AKAP6: variants seen among roughly 807,000 people sequenced by gnomAD.
The protein encoded by AKAP6 is A-kinase anchoring protein 6, also known as A-kinase anchor protein 6.
A neutral mutation model predicts 188.5 loss-of-function variants in AKAP6; 58 were observed. The ratio of observed to expected loss-of-function variants is 0.31; its 90% CI spans 0.25 to 0.38. The LOEUF (loss-of-function observed/expected upper bound fraction) is 0.38, where lower values mean the gene tolerates loss of function less well. Ranked by LOEUF, AKAP6 falls within the 10% of genes least tolerant of loss-of-function variation. AKAP6 has a pLI of 1.00. For synonymous variants in AKAP6, 989 were observed against 998.6 expected (o/e 0.99, Z 0.18); for missense variants, 2,710 against 2,740.0 (o/e 0.99, Z 0.24).
In AKAP6 at chr14:32,737,158, G is replaced by T. The variant is rs141488595; in HGVS notation, c.3372+1276G>T. 4.7e-4 allele frequency among the ~76,000 whole-genome samples: 71 copies of T among 152,226 alleles called. No individual in the cohort carries two copies. In the East Asian group the frequency reaches 0.013, roughly 27 times the overall value. On this transcript the variant is annotated intron_variant, in intron 11 of 13. Transcript: ENST00000280979. The stretch of plus-strand genomic sequence containing the variant: ...CTTTTTGAGATTATGGAGCCCTGAT[G>T]ATTTTTCTTTATGACTTGAAACTAG...
Position 32,833,611 on chromosome 14 carries a change from T to A in AKAP6, c.*3806T>A, listed in dbSNP as rs537672398. 25 of 152,270 alleles carry A rather than the reference T, an allele frequency of 1.6e-4. No homozygotes were observed. The highest frequency in any genetic ancestry group is 6.0e-4 in the African/African-American group (25 of 41,548). The allele number at this position is 152,270 out of a possible 1,614,324, so 9.4% of individuals were successfully genotyped here. On this transcript the variant is annotated 3_prime_UTR_variant, in exon 14 of 14. Coordinates refer to ENST00000280979, the MANE Select transcript of AKAP6 (RefSeq NM_004274.5). ...TTGTGTTTGGTTCATCCGGACTAGG[T>A]TTCACCCATTCTATAATTCCTAGAA...
intron 9 of AKAP6, among the ~76,000 whole-genome samples, chr14:32,705,172 G>T (rs1890761590): frequency 6.6e-6 from 1 of 152,148 alleles, no homozygotes; most frequent in East Asian, 1.9e-4. Context: ...CTCCAACCCA[G>T]CTAGCTGCAT....
chr14:32,545,710 C>T lies in AKAP6; in HGVS notation c.1057C>T (p.His353Tyr), dbSNP rs867009714. ...GCAGCAAGAATCCAGTTCCTCCTCC[C>T]ATCATGATGCAAAGAATCAGCAGCC... Reference protein sequence around the residue: ...TVQQESSSSSHHDAKNQQPVP... With the variant: ...TVQQESSSSSYHDAKNQQPVP... Residue 353 changes from histidine (H) to tyrosine (Y), a missense_variant, in exon 4 of 14, where the codon CAT becomes TAT. This residue lies in a region of AKAP6 where 2,473 missense variants were observed against 2,426.1 expected (regional missense o/e 1.02). Transcript: ENST00000280979. The T allele has an allele frequency of 6.2e-7, 1 of 1,614,064 alleles. No individual in the cohort carries two copies. The highest frequency in any genetic ancestry group is 2.2e-5 in the East Asian group (1 of 44,890).
chr14:32,755,844 AG>A (rs2032310976), intron 11 of AKAP6, among the ~76,000 whole-genome samples: 1 of 152,206 alleles, frequency 6.6e-6, no homozygotes, highest in Non-Finnish European at 1.5e-5. Flanking sequence ...GAAGACATTT[AG>A]GGCCACTAAC....
intron 1 of AKAP6, among the ~76,000 whole-genome samples, chr14:32,372,348 TA>T (rs1353800704): frequency 1.3e-5 from 2 of 152,132 alleles, no homozygotes; most frequent in Admixed American, 1.3e-4. Flanking sequence ...TAAGATTTTT[TA>T]TAAAGAAATA....
At chr14:32,667,690 T>C (rs7148801) in intron 7 of AKAP6, among the ~76,000 whole-genome samples, 12,881 of 152,118 alleles carry the variant, frequency 0.085, 1,702 homozygotes, top group African/African-American at 0.28. Context: ...TCCTGAACCA[T>C]AGGTCCTGAT....
At chr14:32,360,145 C>T (rs571462143) in intron 1 of AKAP6, among the ~76,000 whole-genome samples, 7 of 143,946 alleles carry the variant, frequency 4.9e-5, no homozygotes, top group East Asian at 2.0e-4. Context: ...TTTTTTTTTT[C>T]GAGACAGGGG....
intron 2 of AKAP6, among the ~76,000 whole-genome samples, chr14:32,481,644 A>G (rs952955605): frequency 6.6e-6 from 1 of 152,122 alleles, no homozygotes; most frequent in Non-Finnish European, 1.5e-5. Context: ...CCATGATTCA[A>G]TTACCTCCCA....
chr14:32,746,132 A>G (rs1170639316), intron 11 of AKAP6, among the ~76,000 whole-genome samples: 1 of 151,906 alleles, frequency 6.6e-6, no homozygotes, highest in African/African-American at 2.4e-5. Flanking sequence ...GGAATTGGGG[A>G]CCCCAAGAGC....
Position 32,568,699 on chromosome 14 carries a change from T to C in AKAP6, c.2347-8421T>C, listed in dbSNP as rs10138944. 0.088 allele frequency among the ~76,000 whole-genome samples: 13,414 copies of C among 152,132 alleles called. 1,963 individuals are homozygous for C. Among genetic ancestry groups the C allele is most frequent in the African/African-American group, 0.3 (12,524 of 41,448 alleles). ...GTCCCCAGCTTCATACCTGACAATG[T>C]TGGGAGCTTGTAAAGTGTTTGATCT... is the stretch of plus-strand genomic sequence containing the variant. On this transcript the variant is annotated intron_variant, in intron 4 of 13. Transcript: ENST00000280979. This position sits in a 1 kb window ranked among gnomAD's most constrained non-coding sequence, Gnocchi z 6.2.
intron 1 of AKAP6, among the ~76,000 whole-genome samples, chr14:32,432,203 G>A (rs938991206): frequency 4.0e-5 from 6 of 150,974 alleles, no homozygotes; most frequent in African/African-American, 4.9e-5. Flanking sequence ...TGTAGAACCC[G>A]AAAAAAAAGT....
intron 9 of AKAP6, among the ~76,000 whole-genome samples, chr14:32,729,060 C>T (rs369939959): frequency 9.9e-5 from 15 of 152,084 alleles, no homozygotes; most frequent in African/African-American, 3.1e-4. Context: ...ATCTACAACC[C>T]TTTCATGATG....
At chr14:32,501,846 T>C (rs183638521) in intron 2 of AKAP6, among the ~76,000 whole-genome samples, 3 of 152,164 alleles carry the variant, frequency 2.0e-5, no homozygotes, top group Non-Finnish European at 2.9e-5. Flanking sequence ...AGTAAACCTA[T>C]GTCTTCAATA....
chr14:32,744,070 T>C (rs1407654582), intron 11 of AKAP6, among the ~76,000 whole-genome samples: 1 of 152,110 alleles, frequency 6.6e-6, no homozygotes, highest in Non-Finnish European at 1.5e-5. Flanking sequence ...GGTTAAAAAG[T>C]TTTTTTCCTT....
chr14:32,554,214 C>T (rs1431121802), intron 4 of AKAP6, among the ~76,000 whole-genome samples: 3 of 152,178 alleles, frequency 2.0e-5, no homozygotes. Flanking sequence ...TTTTGTATTT[C>T]AGTGACAGAG....
At chr14:32,463,645 G>T (rs1878215708) in intron 2 of AKAP6, among the ~76,000 whole-genome samples, 1 of 152,124 alleles carries the variant, frequency 6.6e-6, no homozygotes, top group Admixed American at 6.5e-5. Context: ...ACAGGATAAG[G>T]CAGGAAAGAT....
At chr14:32,518,400 C>G (rs1881636319) in intron 2 of AKAP6, among the ~76,000 whole-genome samples, 1 of 152,116 alleles carries the variant, frequency 6.6e-6, no homozygotes, top group Admixed American at 6.5e-5. Flanking sequence ...CTTCTCTGAG[C>G]TAAAGGAGGA....
intron 2 of AKAP6, among the ~76,000 whole-genome samples, chr14:32,460,682 TCATACCC>T (rs1891293210): frequency 6.6e-6 from 1 of 152,334 alleles, no homozygotes; most frequent in African/African-American, 2.4e-5. Flanking sequence ...GGAGTTTTTT[TCATACCC>T]CATGGGTGCC....
At chr14:32,797,039 A>C (rs1187237820) in intron 12 of AKAP6, among the ~76,000 whole-genome samples, 1 of 152,194 alleles carries the variant, frequency 6.6e-6, no homozygotes, top group Non-Finnish European at 1.5e-5. Context: ...GCTCAACATC[A>C]CTGATCATTA....
Sources: gnomAD v4.1 joint callset for allele counts (sites outside exome capture counted in the v4.1 genomes callset) on GRCh38, gnomAD v4.1.1 for gene constraint, gnomAD v4.1.1 regional missense constraint, Gnocchi (gnomAD v3.1) non-coding constraint, MANE v1.5 for transcripts, NCBI Gene and HGNC (gene_info 2026-07-23, HGNC 2026-07-21) for gene names.